Variants in CACNA1E observed in about 807,000 individuals in gnomAD.
The protein encoded by CACNA1E is voltage-dependent R-type calcium channel subunit alpha-1E.
In CACNA1E, 40 loss-of-function variants were observed where a neutral mutation model predicts 259.2. The observed-to-expected ratio is 0.15, with a 90% CI of 0.12 to 0.20. The LOEUF (loss-of-function observed/expected upper bound fraction) is 0.20. Ranked by LOEUF, CACNA1E falls within the 10% of genes least tolerant of loss-of-function variation. The pLI is 1.00. For synonymous variants in CACNA1E, 1,104 were observed against 1,138.5 expected (o/e 0.97, Z 0.61); for missense variants, 1,874 against 3,040.1 (o/e 0.62, Z 9.02).
chr1:181,579,925 T>G (rs574160055), intron 5 of CACNA1E, among the ~76,000 whole-genome samples: 1 of 152,326 alleles, frequency 6.6e-6, no homozygotes, highest in African/African-American at 2.4e-5. Flanking sequence ...TTTGCAAGTG[T>G]GCTTGGGAGA....
intron 2 of CACNA1E, among the ~76,000 whole-genome samples, chr1:181,421,338 A>G (rs1324654505): frequency 1.3e-5 from 2 of 152,216 alleles, no homozygotes; most frequent in African/African-American, 4.8e-5. Context: ...GTTTGACCAC[A>G]TTTATTAGAT....
chr1:181,661,356 CGG>C (rs1647655899), intron 7 of CACNA1E, among the ~76,000 whole-genome samples: 1 of 152,072 alleles, frequency 6.6e-6, no homozygotes, highest in Non-Finnish European at 1.5e-5. Flanking sequence ...TGAAGTACAG[CGG>C]TGGGGACGGA....
chr1:181,386,360 G>A (rs1335707030), intron 1 of CACNA1E, among the ~76,000 whole-genome samples: 1 of 152,214 alleles, frequency 6.6e-6, no homozygotes, highest in Admixed American at 6.5e-5. Flanking sequence ...CTTGTGGAAG[G>A]TCAGGAAGAA....
In CACNA1E at chr1:181,325,768, C is replaced by T. The variant is rs569115515; in HGVS notation, c.-15+7645C>T. 2.6e-5 allele frequency among the ~76,000 whole-genome samples: 4 copies of T among 152,262 alleles called. No homozygotes were observed. The South Asian group carries it at 8.3e-4, about 32-fold the overall frequency. On this transcript the variant is annotated intron_variant, in intron 1 of 11. Transcript: ENST00000524607. ...CAGACTGAGGGAATCAGAAGCACCA[C>T]TGTCCATCCGGAATTAAATCCACAT...
intron 1 of CACNA1E, among the ~76,000 whole-genome samples, chr1:181,372,938 T>A (rs1299822712): frequency 6.6e-6 from 1 of 151,970 alleles, no homozygotes; most frequent in African/African-American, 2.4e-5. Context: ...ATGAATCACG[T>A]TTATTGATTT....
intron 3 of CACNA1E, among the ~76,000 whole-genome samples, chr1:181,537,358 C>G (rs1246743902): frequency 6.6e-6 from 1 of 152,112 alleles, no homozygotes; most frequent in Non-Finnish European, 1.5e-5. Context: ...CTTGGCCTCC[C>G]AAAGTGCTGG....
chr1:181,318,423 G>A (rs1301153731), intron 1 of CACNA1E, among the ~76,000 whole-genome samples: 2 of 152,222 alleles, frequency 1.3e-5, no homozygotes, highest in Non-Finnish European at 2.9e-5. Flanking sequence ...TGAGTGTTGC[G>A]CCCCTTGCCG....
At chr1:181,742,719 G>A (rs964018531) in intron 25 of CACNA1E, among the ~76,000 whole-genome samples, 3 of 152,218 alleles carry the variant, frequency 2.0e-5, no homozygotes, top group Non-Finnish European at 4.4e-5. Context: ...AAACAAAGCT[G>A]TGGTGTCCCC....
chr1:181,691,816 T>G (rs1196409827), intron 7 of CACNA1E, among the ~76,000 whole-genome samples: 2 of 152,060 alleles, frequency 1.3e-5, no homozygotes, highest in African/African-American at 2.4e-5. Flanking sequence ...AAGTCCTACC[T>G]GGAATAATCA....
intron 3 of CACNA1E, among the ~76,000 whole-genome samples, chr1:181,515,951 G>A (rs952088044): frequency 1.3e-5 from 2 of 152,174 alleles, no homozygotes; most frequent in Admixed American, 6.5e-5. Context: ...GGGGTAAAGA[G>A]GGATTGTCTG....
chr1:181,732,456 G>A lies in CACNA1E; in HGVS notation c.2370G>A (p.Gln790=). ...QRTSQLRKHM[Q]MSSQEALNRE... ...CCAGCCAGCTGAGGAAGCACATGCA[G>A]ATGTCCAGCCAGGAGGCCCTCAACA... Residue 790 remains glutamine (Q), a synonymous_variant, in exon 20 of 48, where the codon CAG becomes CAA. Transcript: ENST00000367573. The surrounding 1 kb of genome is among the most constrained non-coding windows in gnomAD (Gnocchi z 5.5). 6.4e-7 allele frequency: 1 copy of A among 1,551,098 alleles called. No individual in the cohort carries two copies. Among genetic ancestry groups the A allele is most frequent in the Non-Finnish European group, 8.7e-7 (1 of 1,146,688 alleles).
chr1:181,430,992 A>G (rs1659676540), intron 2 of CACNA1E, among the ~76,000 whole-genome samples: 1 of 152,236 alleles, frequency 6.6e-6, no homozygotes, highest in South Asian at 2.1e-4. Flanking sequence ...ACACACATGC[A>G]TAACACCAGG....
chr1:181,731,300 T>C, intron 19 of CACNA1E, 69 bp downstream of exon 19: 1 of 1,260,328 alleles, frequency 7.9e-7, no homozygotes, highest in Admixed American at 1.8e-5. Flanking sequence ...GTCATTGTCC[T>C]TGCCATAGAC....
At chr1:181,756,204 A>T in intron 29 of CACNA1E, 111 bp downstream of exon 29, 1 of 1,100,942 alleles carries the variant, frequency 9.1e-7, no homozygotes, top group Non-Finnish European at 1.2e-6. Flanking sequence ...TATCAGGGAA[A>T]GTAAGGGGTT....
At chr1:181,427,173 G>A (rs986880906) in intron 2 of CACNA1E, among the ~76,000 whole-genome samples, 54 of 147,938 alleles carry the variant, frequency 3.7e-4, no homozygotes, top group African/African-American at 1.3e-3. Context: ...TCATCTCAAC[G>A]CCTCCCTATT....
intron 32 of CACNA1E, among the ~76,000 whole-genome samples, chr1:181,759,888 G>T (rs1658426844): frequency 1.3e-5 from 2 of 152,302 alleles, no homozygotes; most frequent in Non-Finnish European, 2.9e-5. Context: ...TCTCCCAGCG[G>T]TTCTTTGAAA....
At chr1:181,768,653 C>A (rs1339338842) in intron 35 of CACNA1E, among the ~76,000 whole-genome samples, 1 of 152,212 alleles carries the variant, frequency 6.6e-6, no homozygotes, top group Non-Finnish European at 1.5e-5. Context: ...ACTGTATGGT[C>A]TAACATCTTA....
intron 3 of CACNA1E, among the ~76,000 whole-genome samples, chr1:181,564,862 T>A (rs895947035): frequency 1.3e-5 from 2 of 151,588 alleles, no homozygotes; most frequent in Admixed American, 6.6e-5. Flanking sequence ...ACACTGTCAA[T>A]GAGCTGTAAT....
At chr1:181,384,594 G>T (rs1655699053) in intron 1 of CACNA1E, among the ~76,000 whole-genome samples, 1 of 152,082 alleles carries the variant, frequency 6.6e-6, no homozygotes, top group South Asian at 2.1e-4. Flanking sequence ...CATCTTTAAA[G>T]TTGCGATTTC....
Sources: gnomAD v4.1 joint callset for allele counts (sites outside exome capture counted in the v4.1 genomes callset) on GRCh38, gnomAD v4.1.1 for gene constraint, Gnocchi (gnomAD v3.1) non-coding constraint, MANE v1.5 for transcripts, NCBI Gene and HGNC (gene_info 2026-07-23, HGNC 2026-07-21) for gene names.